CSGALNACT1: variants seen among roughly 807,000 people sequenced by gnomAD.
The protein encoded by CSGALNACT1 is chondroitin sulfate N-acetylgalactosaminyltransferase 1, also known as beta4GalNAcT-1.
CSGALNACT1 carries 52 observed loss-of-function variants against 51.0 expected under a neutral mutation model. The observed-to-expected ratio is 1.02, with a 90% CI of 0.82 to 1.29. The LOEUF is 1.29. Ranked by LOEUF, CSGALNACT1 falls within the 50% of genes most tolerant of loss-of-function variation. CSGALNACT1 has a pLI of 0.00. For missense variants in CSGALNACT1, 935 were observed against 679.2 expected, an observed-to-expected ratio of 1.38 and a Z score of -4.19; for synonymous variants, 341 against 254.4, an observed-to-expected ratio of 1.34 and a Z score of -3.24.
At chr8:19,473,783 G>A (rs560879162) in intron 4 of CSGALNACT1, among the ~76,000 whole-genome samples, 3 of 152,236 alleles carry the variant, frequency 2.0e-5, no homozygotes, top group East Asian at 1.9e-4. Flanking sequence ...TTAATCCACT[G>A]GATATTTGGG....
intron 3 of CSGALNACT1, among the ~76,000 whole-genome samples, chr8:19,525,935 C>A (rs745695681): frequency 4.9e-4 from 74 of 152,256 alleles, no homozygotes; most frequent in Non-Finnish European, 7.9e-4. Context: ...AGTGCAATAT[C>A]CAAACCAGAA....
At chr8:19,491,422 C>G (rs113895419) in intron 4 of CSGALNACT1, among the ~76,000 whole-genome samples, 1,622 of 152,212 alleles carry the variant, frequency 0.011, 29 homozygotes, top group African/African-American at 0.037. Context: ...TTTGAACGTT[C>G]TTGATACAAA....
intron 1 of CSGALNACT1, among the ~76,000 whole-genome samples, chr8:19,673,117 G>C (rs570454949): frequency 6.6e-6 from 1 of 152,178 alleles, no homozygotes; most frequent in East Asian, 1.9e-4. Context: ...CCAGCAGTGA[G>C]AACACACACC....
At chr8:19,721,469 C>G (rs1294338295) in intron 1 of CSGALNACT1, among the ~76,000 whole-genome samples, 1 of 152,176 alleles carries the variant, frequency 6.6e-6, no homozygotes, top group Non-Finnish European at 1.5e-5. Flanking sequence ...GCACATGGTT[C>G]TCATGTATCA....
At chr8:19,408,618 TTGA>T (rs1165223653) in exon 9 of CSGALNACT1, 2 of 1,613,762 alleles carry the variant, frequency 1.2e-6, no homozygotes, top group African/African-American at 1.3e-5. Flanking sequence ...CCTACCTATA[TTGA>T]TGAAGTCTGA....
chr8:19,426,724 T>C (rs2058830267), intron 6 of CSGALNACT1, among the ~76,000 whole-genome samples: 2 of 152,242 alleles, frequency 1.3e-5, no homozygotes. Context: ...GAGTCATTTT[T>C]ATAGAGGTTA....
chr8:19,483,684 A>G (rs1052047881), intron 4 of CSGALNACT1, among the ~76,000 whole-genome samples: 2 of 152,174 alleles, frequency 1.3e-5, no homozygotes, highest in African/African-American at 2.4e-5. Flanking sequence ...ATCTAAAACC[A>G]TACCTTATCA....
chr8:19,490,057 G>A (rs2074012822), intron 4 of CSGALNACT1, among the ~76,000 whole-genome samples: 1 of 152,058 alleles, frequency 6.6e-6, no homozygotes, highest in Non-Finnish European at 1.5e-5. Context: ...TCTTTTGATG[G>A]CCCCCAAATA....
rs185702083 is a variant in CSGALNACT1 at position 19,465,452 on chromosome 8, C to T, written c.635-6810G>A. 1.2e-4 allele frequency among the ~76,000 whole-genome samples: 18 copies of T among 152,256 alleles called. No homozygotes were observed. In the East Asian group the frequency reaches 2.7e-3, roughly 23 times the overall value. The stretch of plus-strand genomic sequence containing the variant: ...ATGGATGCGCAAGAATGTCAATGTA[C>T]TTAAGGCCACTGAACTGTCCACTAA... On this transcript the variant is annotated intron_variant, in intron 4 of 9. Coordinates refer to ENST00000454498, the Ensembl canonical transcript of CSGALNACT1.
intron 3 of CSGALNACT1, among the ~76,000 whole-genome samples, chr8:19,579,684 C>G (rs574393596): frequency 1.3e-5 from 2 of 152,292 alleles, no homozygotes; most frequent in East Asian, 3.9e-4. Context: ...ACTGAATAAA[C>G]AGAAAGTTAA....
chr8:19,655,431 G>A (rs1406087737), intron 1 of CSGALNACT1, among the ~76,000 whole-genome samples: 2 of 152,048 alleles, frequency 1.3e-5, no homozygotes, highest in Non-Finnish European at 2.9e-5. Flanking sequence ...CACTATCATG[G>A]CTCACTGCAG....
chr8:19,469,382 C>T lies in CSGALNACT1; in HGVS notation c.635-10740G>A, dbSNP rs1397763964. On this transcript the variant is annotated intron_variant, in intron 4 of 9. Coordinates refer to ENST00000454498, the Ensembl canonical transcript of CSGALNACT1. ...CTGCAGCCTGGGTGACAGAGCAACA[C>T]CCTGTCTCAAAAAAAGAAAGAGAAA... Among the ~76,000 whole-genome samples the T allele has an allele frequency of 2.6e-5, 4 of 152,008 alleles. No individual in the cohort carries two copies. The East Asian group carries it at 7.7e-4, about 29-fold the overall frequency.
At chr8:19,667,015 GAAAGGAAGGAAGGAAGGAAGGAAGGA>G (rs2059383318) in intron 1 of CSGALNACT1, among the ~76,000 whole-genome samples, 1 of 31,386 alleles carries the variant, frequency 3.2e-5, no homozygotes, top group African/African-American at 2.2e-4. Context: ...AAGAAAGAAA[GAAAGGAAGGAAGGAAGGAAGGAAGGA>G]AGAAAGAAAG....
chr8:19,483,272 G>T (rs1396180101), intron 4 of CSGALNACT1, among the ~76,000 whole-genome samples: 1 of 152,208 alleles, frequency 6.6e-6, no homozygotes, highest in African/African-American at 2.4e-5. Context: ...TCACCCTTCT[G>T]TTTAAGCCCT....
intron 4 of CSGALNACT1, among the ~76,000 whole-genome samples, chr8:19,483,191 AG>A (rs1030682640): frequency 6.6e-6 from 1 of 152,200 alleles, no homozygotes; most frequent in African/African-American, 2.4e-5. Flanking sequence ...TTGTCCCTCT[AG>A]GCTGAGTCCC....
chr8:19,567,722 C>T lies in CSGALNACT1; in HGVS notation c.-297+23438G>A, dbSNP rs150665773. On this transcript the variant is annotated intron_variant, in intron 3 of 9. Coordinates refer to ENST00000454498, the Ensembl canonical transcript of CSGALNACT1. ...TTTACTGATGTGTCTATTTTCTATA[C>T]GTAGAAAATAGGAAAAATCCAAAAT... 1.7e-3 allele frequency among the ~76,000 whole-genome samples: 261 copies of T among 151,898 alleles called. 2 individuals carry two copies. The highest frequency in any genetic ancestry group is 5.9e-3 in the African/African-American group (245 of 41,430).
chr8:19,470,349 T>C (rs1379365317), intron 4 of CSGALNACT1, among the ~76,000 whole-genome samples: 2 of 152,128 alleles, frequency 1.3e-5, no homozygotes, highest in African/African-American at 4.8e-5. Context: ...GAGGCTGGGA[T>C]GGGACAGTGA....
intron 4 of CSGALNACT1, among the ~76,000 whole-genome samples, chr8:19,492,304 G>A (rs1489336721): frequency 6.6e-6 from 1 of 152,058 alleles, no homozygotes; most frequent in Non-Finnish European, 1.5e-5. Flanking sequence ...AAGCCCTCAC[G>A]ATGAAATCAA....
intron 1 of CSGALNACT1, among the ~76,000 whole-genome samples, chr8:19,662,190 G>A (rs758104020): frequency 6.6e-5 from 10 of 150,558 alleles, no homozygotes; most frequent in Admixed American, 1.3e-4. Context: ...GGCCAAGGCA[G>A]GTGATCAACA....
Sources: allele counts gnomAD v4.1 joint callset (sites outside exome capture counted in the v4.1 genomes callset), GRCh38; gene constraint gnomAD v4.1.1; transcripts MANE v1.5; gene names NCBI Gene and HGNC (gene_info 2026-07-23, HGNC 2026-07-21).